Variants in ARHGAP22 observed in about 807,000 individuals in gnomAD.
ARHGAP22 encodes the protein Rho GTPase activating protein 22.
A neutral mutation model predicts 59.1 loss-of-function variants in ARHGAP22; 48 were observed. The ratio of observed to expected loss-of-function variants is 0.81; its 90% CI spans 0.64 to 1.03. The LOEUF (loss-of-function observed/expected upper bound fraction) is 1.03, where lower values mean the gene tolerates loss of function less well. ARHGAP22 is among the 50% of genes least tolerant of loss of function. The pLI, the probability that ARHGAP22 is intolerant of heterozygous loss-of-function variation, is 0.00. For synonymous variants in ARHGAP22, 445 were observed against 416.4 expected (o/e 1.07, Z -0.84); for missense variants, 1,015 against 958.7 (o/e 1.06, Z -0.78).
At chr10:48,502,955 A>T (rs2051682008) in intron 3 of ARHGAP22, among the ~76,000 whole-genome samples, 1 of 152,210 alleles carries the variant, frequency 6.6e-6, no homozygotes, top group South Asian at 2.1e-4. Context: ...GGGGTCAGGG[A>T]TAAAGGCATA....
chr10:48,531,008 T>C (rs774325236), intron 3 of ARHGAP22, among the ~76,000 whole-genome samples: 1 of 152,138 alleles, frequency 6.6e-6, no homozygotes, highest in Non-Finnish European at 1.5e-5. Context: ...ATTACAAAAA[T>C]ATAGAACCAG....
chr10:48,581,603 G>A (rs1409447338), intron 2 of ARHGAP22, among the ~76,000 whole-genome samples: 5 of 152,156 alleles, frequency 3.3e-5, no homozygotes, highest in Admixed American at 3.3e-4. Context: ...TATTATTTGT[G>A]TAAAAGTTTT....
chr10:48,600,839 G>A (rs1187103811), intron 1 of ARHGAP22, among the ~76,000 whole-genome samples: 2 of 152,200 alleles, frequency 1.3e-5, no homozygotes, highest in African/African-American at 4.8e-5. Context: ...ACAAACAGTG[G>A]TGCCAGGGCC....
chr10:48,614,642 C>A (rs1330678405), intron 1 of ARHGAP22, among the ~76,000 whole-genome samples: 1 of 152,130 alleles, frequency 6.6e-6, no homozygotes, highest in Admixed American at 6.5e-5. Flanking sequence ...AGAAACTAAC[C>A]AACAGCTTGC....
intron 3 of ARHGAP22, among the ~76,000 whole-genome samples, chr10:48,506,482 A>G (rs899267387): frequency 2.0e-5 from 3 of 152,210 alleles, no homozygotes; most frequent in African/African-American, 7.2e-5. Context: ...TATGCAATCT[A>G]TTGACTTAAA....
At chr10:48,456,734 C>T (rs1041321483) in intron 5 of ARHGAP22, among the ~76,000 whole-genome samples, 7 of 152,112 alleles carry the variant, frequency 4.6e-5, no homozygotes, top group Non-Finnish European at 1.0e-4. Context: ...TGCATCCCTG[C>T]CCCGCAGGGT....
rs754230812 is a variant in ARHGAP22, at chr10:48,450,772, T to C, written c.1357A>G (p.Ile453Val). Residue 453 changes from isoleucine (I) to valine (V), a missense_variant, in exon 9 of 10, where the codon ATC becomes GTC. Coordinates refer to ENST00000249601, the MANE Select transcript of ARHGAP22 (RefSeq NM_021226.4). ...AGCCAGTTCCCGCCGGAGGAGATGATGGGCACCTCCAGGGATGAGCCGCCC... is the reference window on the plus strand; with the variant it reads ...AGCCAGTTCCCGCCGGAGGAGATGACGGGCACCTCCAGGGATGAGCCGCCC... ...KGGGSSLEVP[I>V]ISSGGNWLMN... is the part of the protein sequence containing the mutation. 85 of 1,565,836 alleles carry C rather than the reference T, an allele frequency of 5.4e-5. No homozygotes were observed. The highest frequency in any genetic ancestry group is 7.2e-5 in the Non-Finnish European group (83 of 1,155,678).
At chr10:48,615,537 AC>A (rs1324635936) in intron 1 of ARHGAP22, among the ~76,000 whole-genome samples, 5 of 152,332 alleles carry the variant, frequency 3.3e-5, no homozygotes, top group Admixed American at 1.3e-4. Context: ...CCAGTTTTCA[AC>A]AAAAAATTAT....
chr10:48,490,918 C>T (rs113481459), intron 3 of ARHGAP22, among the ~76,000 whole-genome samples: 1 of 152,230 alleles, frequency 6.6e-6, no homozygotes, highest in African/African-American at 2.4e-5. Context: ...TCTCACCTCT[C>T]CTATCCATTC....
Position 48,577,969 on chromosome 10 carries a change from C to T in ARHGAP22, c.234+4984G>A, listed in dbSNP as rs564516485. The stretch of plus-strand genomic sequence containing the variant: ...GATTACAGGCATGTGCCAGCACACC[C>T]GGCTAATTTTTGTATTTTTAGTAGA... On this transcript the variant is annotated intron_variant, in intron 2 of 9. Transcript: ENST00000249601. 3.1e-4 allele frequency among the ~76,000 whole-genome samples: 47 copies of T among 151,904 alleles called. No individual in the cohort carries two copies. The South Asian group carries it at 7.7e-3, about 25-fold the overall frequency.
chr10:48,448,830 C>T (rs1479298139), intron 9 of ARHGAP22, among the ~76,000 whole-genome samples: 1 of 152,228 alleles, frequency 6.6e-6, no homozygotes, highest in Non-Finnish European at 1.5e-5. Flanking sequence ...CTCATCTTAC[C>T]TCCAGCCACC....
At chr10:48,648,735 C>G (rs1027434651) in intron 1 of ARHGAP22, among the ~76,000 whole-genome samples, 2 of 152,176 alleles carry the variant, frequency 1.3e-5, no homozygotes, top group South Asian at 2.1e-4. Flanking sequence ...ATCAGAGCAG[C>G]AGGGAGGCCG....
intron 3 of ARHGAP22, among the ~76,000 whole-genome samples, chr10:48,499,151 C>T (rs2051257446): frequency 6.6e-6 from 1 of 152,246 alleles, no homozygotes; most frequent in Non-Finnish European, 1.5e-5. Flanking sequence ...CCCGAATCAC[C>T]AGCCCGGGGG....
chr10:48,648,482 G>A (rs1466700603), intron 1 of ARHGAP22, among the ~76,000 whole-genome samples: 2 of 152,190 alleles, frequency 1.3e-5, no homozygotes, highest in Non-Finnish European at 2.9e-5. Flanking sequence ...ACTGTTTCTC[G>A]GGCCTCTGGT....
chr10:48,587,327 C>T (rs915976474), intron 1 of ARHGAP22, among the ~76,000 whole-genome samples: 5 of 152,186 alleles, frequency 3.3e-5, no homozygotes, highest in Admixed American at 2.0e-4. Flanking sequence ...CCCCTGGGCT[C>T]GAGAGGAGTC....
chr10:48,479,549 G>A, intron 4 of ARHGAP22, 87 bp downstream of exon 4: 1 of 1,605,862 alleles, frequency 6.2e-7, no homozygotes, highest in East Asian at 2.2e-5. Flanking sequence ...TCAGTGAGCA[G>A]GGTCTTTGGG....
intron 2 of ARHGAP22, among the ~76,000 whole-genome samples, chr10:48,573,345 G>A (rs1254431672): frequency 6.6e-6 from 1 of 152,188 alleles, no homozygotes; most frequent in Non-Finnish European, 1.5e-5. Context: ...GGCTCAGAGA[G>A]TGAAATATCT....
At chr10:48,457,085 A>G (rs11101330) in intron 5 of ARHGAP22, among the ~76,000 whole-genome samples, 53,131 of 151,972 alleles carry the variant, frequency 0.35, 9,953 homozygotes, top group East Asian at 0.68. Context: ...TGCCCTGGGG[A>G]CAAAGAGGCC....
upstream of ARHGAP22, chr10:48,656,081 G>A (rs1340578972): frequency 3.3e-5 from 5 of 152,576 alleles, no homozygotes; most frequent in African/African-American, 9.7e-5. Flanking sequence ...GCCTGCCTGG[G>A]GCTCCTTCCT....
Sources: gnomAD v4.1 joint callset for allele counts (sites outside exome capture counted in the v4.1 genomes callset) on GRCh38, gnomAD v4.1.1 for gene constraint, MANE v1.5 for transcripts, NCBI Gene and HGNC (gene_info 2026-07-23, HGNC 2026-07-21) for gene names.